Variants in SPON1 observed in about 807,000 individuals in gnomAD.
The protein encoded by SPON1 is spondin 1.
In SPON1, 52 loss-of-function variants were observed where a neutral mutation model predicts 111.7. That is an observed-to-expected ratio of 0.47 (90% confidence interval 0.37 to 0.59). The LOEUF (loss-of-function observed/expected upper bound fraction) is 0.59. SPON1 is among the 20% of genes least tolerant of loss of function. The pLI, the probability that SPON1 is intolerant of heterozygous loss-of-function variation, is 0.00. For missense variants in SPON1, 957 were observed against 1,068.5 expected (o/e 0.90, Z 1.46); for synonymous variants, 410 against 395.8 (o/e 1.04, Z -0.43).
At chr11:14,022,032 A>G (rs1848484753) in intron 2 of SPON1, among the ~76,000 whole-genome samples, 1 of 152,248 alleles carries the variant, frequency 6.6e-6, no homozygotes, top group South Asian at 2.1e-4. Flanking sequence ...ACACACATCC[A>G]GAAAGAGAGC....
intron 2 of SPON1, among the ~76,000 whole-genome samples, chr11:14,014,806 A>C (rs1287315865): frequency 3.3e-5 from 5 of 152,194 alleles, no homozygotes. Context: ...CTTTTTAAAT[A>C]CTTTTTTAAA....
chr11:14,217,445 T>C (rs1020321716), intron 6 of SPON1, among the ~76,000 whole-genome samples: 1 of 152,202 alleles, frequency 6.6e-6, no homozygotes, highest in Non-Finnish European at 1.5e-5. Context: ...TTTTTACAAA[T>C]ATCTTCAAGA....
At chr11:14,132,229 G>C (rs1408261223) in intron 5 of SPON1, among the ~76,000 whole-genome samples, 2 of 151,550 alleles carry the variant, frequency 1.3e-5, no homozygotes, top group Non-Finnish European at 2.9e-5. Flanking sequence ...AGTGAGCTGA[G>C]ATTCTGCCAC....
At chr11:13,993,389 T>C (rs955420479) in intron 2 of SPON1, among the ~76,000 whole-genome samples, 1 of 151,818 alleles carries the variant, frequency 6.6e-6, no homozygotes, top group Non-Finnish European at 1.5e-5. Context: ...TCGGTGAAAG[T>C]GGCAAGGAAC....
At chr11:14,172,348 G>A (rs541842069) in intron 6 of SPON1, among the ~76,000 whole-genome samples, 1 of 151,934 alleles carries the variant, frequency 6.6e-6, no homozygotes, top group South Asian at 2.1e-4. Context: ...TTGCTTGGTA[G>A]ATCTTCCTCC....
chr11:14,021,894 C>A (rs1848483776), intron 2 of SPON1, among the ~76,000 whole-genome samples: 1 of 152,204 alleles, frequency 6.6e-6, no homozygotes, highest in Non-Finnish European at 1.5e-5. Context: ...CGCTCTTGCT[C>A]TTTATTTGTA....
chr11:14,083,646 C>A (rs1239161762), intron 5 of SPON1, among the ~76,000 whole-genome samples: 1 of 152,138 alleles, frequency 6.6e-6, no homozygotes, highest in African/African-American at 2.4e-5. Flanking sequence ...TGACACAGTT[C>A]ATTAAACAAT....
At chr11:14,041,312 G>A (rs1848629514) in intron 2 of SPON1, among the ~76,000 whole-genome samples, 1 of 152,178 alleles carries the variant, frequency 6.6e-6, no homozygotes, top group Admixed American at 6.5e-5. Context: ...GCAAAGATGT[G>A]CCCAGTCTGC....
At chr11:14,041,702 G>T in intron 3 of SPON1, 48 bp downstream of exon 3, 1 of 1,594,342 alleles carries the variant, frequency 6.3e-7, no homozygotes, top group Non-Finnish European at 8.5e-7. Flanking sequence ...AGACTTTGTG[G>T]TGTGATTGCA....
At chr11:14,157,939 A>T (rs1299606760) in intron 6 of SPON1, among the ~76,000 whole-genome samples, 1 of 152,138 alleles carries the variant, frequency 6.6e-6, no homozygotes, top group African/African-American at 2.4e-5. Context: ...ATAGTTTTTA[A>T]GTCCAAGTCT....
intron 6 of SPON1, among the ~76,000 whole-genome samples, chr11:14,144,605 G>A (rs1472666041): frequency 6.7e-6 from 1 of 149,752 alleles, no homozygotes; most frequent in Non-Finnish European, 1.5e-5. Flanking sequence ...ACTCTAGCCT[G>A]GGTGACCGAG....
chr11:14,113,570 T>A lies in SPON1; in HGVS notation c.677-21850T>A, dbSNP rs1554925651. 2.3e-3 allele frequency among the ~76,000 whole-genome samples: 8 copies of A among 3,470 alleles called. 2 individuals carry two copies. The highest frequency in any genetic ancestry group is 6.4e-3 in the African/African-American group (4 of 626). 2.3% of individuals were successfully genotyped at this position (3,470 alleles called of 152,430 possible). A position where few individuals can be genotyped will look rare whatever the true frequency, so the allele number is the denominator to read the frequency against. On this transcript the variant is annotated intron_variant, in intron 5 of 15. Coordinates refer to ENST00000576479, the MANE Select transcript of SPON1 (RefSeq NM_006108.4). ...GTCACCTCCTATGTACTTTTTAAAT[T>A]TTTTTTTTTTTTTTTTTTTTTTTTT...
In SPON1 at chr11:13,962,778, G is replaced by C. The variant is rs1847982417; in HGVS notation, c.-127G>C. ...GAGGCGGGCACGGTCTCCGAGTCGC[G>C]GACGCCAGCTCCGAGCTCCCTCTCT... On this transcript the variant is annotated 5_prime_UTR_variant, in exon 1 of 16. Coordinates refer to ENST00000576479, the MANE Select transcript of SPON1 (RefSeq NM_006108.4). 2.3e-6 allele frequency: 2 copies of C among 867,876 alleles called. No individual in the cohort carries two copies. Among genetic ancestry groups the C allele is most frequent in the East Asian group, 3.2e-5 (1 of 31,244 alleles). The allele number at this position is 867,876 out of a possible 1,614,324, so 53.8% of individuals were successfully genotyped here.
chr11:14,163,869 C>T lies in SPON1; in HGVS notation c.825+28301C>T, dbSNP rs185527177. On this transcript the variant is annotated intron_variant, in intron 6 of 15. Coordinates refer to ENST00000576479, the MANE Select transcript of SPON1 (RefSeq NM_006108.4). ...CCCGCTTTAGCAACAGCCCTGGTTA[C>T]CCCCACACCCATAAAGGCTACTTTG... 3.4e-4 allele frequency among the ~76,000 whole-genome samples: 51 copies of T among 151,838 alleles called. 1 individual carries two copies. Among genetic ancestry groups the T allele is most frequent in the Non-Finnish European group, 4.4e-5 (3 of 67,950 alleles).
chr11:14,217,666 TTGTGTTTAAATATAATTTG>T (rs1554937255), intron 6 of SPON1, among the ~76,000 whole-genome samples: 1 of 152,148 alleles, frequency 6.6e-6, no homozygotes, highest in Non-Finnish European at 1.5e-5. Context: ...TCAAAAAGAC[TTGTGTTTAAATATAATTTG>T]TGCCACTTAT....
At chr11:14,071,445 C>G (rs1262771851) in intron 3 of SPON1, among the ~76,000 whole-genome samples, 2 of 152,070 alleles carry the variant, frequency 1.3e-5, no homozygotes, top group Non-Finnish European at 2.9e-5. Flanking sequence ...GCAACTCCCA[C>G]GTCCACACTC....
chr11:14,005,928 G>A (rs781786428), intron 2 of SPON1, among the ~76,000 whole-genome samples: 19 of 152,060 alleles, frequency 1.2e-4, no homozygotes, highest in South Asian at 1.0e-3. Context: ...TTGGAAAAGG[G>A]GAATAATAAT....
At chr11:14,066,055 A>G (rs1327375998) in intron 3 of SPON1, among the ~76,000 whole-genome samples, 2 of 152,336 alleles carry the variant, frequency 1.3e-5, no homozygotes, top group Admixed American at 6.5e-5. Flanking sequence ...CAGCTAAACA[A>G]TGTCATAGAG....
At chr11:14,183,185 T>A (rs1038864158) in intron 6 of SPON1, among the ~76,000 whole-genome samples, 1 of 152,240 alleles carries the variant, frequency 6.6e-6, no homozygotes, top group Admixed American at 6.5e-5. Context: ...TTTGTGCAGA[T>A]AGCTCAGTCA....
Sources: allele counts gnomAD v4.1 joint callset (sites outside exome capture counted in the v4.1 genomes callset), GRCh38; gene constraint gnomAD v4.1.1; transcripts MANE v1.5; gene names NCBI Gene and HGNC (gene_info 2026-07-23, HGNC 2026-07-21).